COX7B2: variants seen among roughly 807,000 people sequenced by gnomAD.
The protein encoded by COX7B2 is cytochrome c oxidase subunit 7B2, mitochondrial.
For missense variants in COX7B2, 109 were observed against 95.9 expected, an observed-to-expected ratio of 1.14 and a Z score of -0.57; for synonymous variants, 37 against 32.1, an observed-to-expected ratio of 1.15 and a Z score of -0.51.
intron 2 of COX7B2, among the ~76,000 whole-genome samples, chr4:46,799,008 T>G (rs1718512261): frequency 6.6e-6 from 1 of 152,170 alleles, no homozygotes; most frequent in African/African-American, 2.4e-5. Flanking sequence ...TCCCCATTTA[T>G]TAACACAGAA....
At chr4:46,779,673 A>G (rs1297153375) in intron 2 of COX7B2, among the ~76,000 whole-genome samples, 3 of 151,978 alleles carry the variant, frequency 2.0e-5, no homozygotes, top group African/African-American at 7.2e-5. Context: ...TTTTCTCCAC[A>G]CCCTCACCAA....
intron 2 of COX7B2, among the ~76,000 whole-genome samples, chr4:46,750,813 A>G (rs1016178037): frequency 1.3e-5 from 2 of 152,150 alleles, no homozygotes; most frequent in African/African-American, 4.8e-5. Flanking sequence ...CATGTCCTCA[A>G]ATAGTGGAAA....
At chr4:46,797,666 G>A (rs1451976839) in intron 2 of COX7B2, among the ~76,000 whole-genome samples, 2 of 152,112 alleles carry the variant, frequency 1.3e-5, no homozygotes, top group Non-Finnish European at 2.9e-5. Flanking sequence ...AGGATACAGG[G>A]GCAATGATTC....
chr4:46,788,783 AAC>A (rs2109577808), intron 2 of COX7B2, among the ~76,000 whole-genome samples: 2 of 152,324 alleles, frequency 1.3e-5, no homozygotes, highest in South Asian at 4.1e-4. Context: ...GAAAAAAACA[AAC>A]AGAGAAGTGC....
intron 2 of COX7B2, among the ~76,000 whole-genome samples, chr4:46,844,430 A>AC (rs958017207): frequency 2.0e-5 from 3 of 151,974 alleles, no homozygotes; most frequent in Non-Finnish European, 4.4e-5. Context: ...CCGGCAAAAA[A>AC]GGCCCATCAC....
chr4:46,794,047 CTT>C (rs1577712072), intron 2 of COX7B2, among the ~76,000 whole-genome samples: 1 of 152,286 alleles, frequency 6.6e-6, no homozygotes, highest in South Asian at 2.1e-4. Context: ...CACAGCCTCT[CTT>C]TGTTTCTACA....
intron 1 of COX7B2, among the ~76,000 whole-genome samples, chr4:46,869,302 C>A (rs1717852945): frequency 6.6e-6 from 1 of 152,090 alleles, no homozygotes; most frequent in Non-Finnish European, 1.5e-5. Flanking sequence ...CAGCATACCA[C>A]TGAGTCTTTC....
intron 2 of COX7B2, among the ~76,000 whole-genome samples, chr4:46,800,531 T>A (rs889150632): frequency 2.6e-5 from 4 of 152,162 alleles, no homozygotes; most frequent in African/African-American, 9.7e-5. Flanking sequence ...TACATGGTGC[T>A]GGGATTACTG....
At position 46,735,003 on chromosome 4, in the gene COX7B2, C is replaced by A. The variant is rs1196742833; in HGVS notation, c.190G>T (p.Glu64Ter). 1 of 1,614,068 alleles carries A rather than the reference C, an allele frequency of 6.2e-7. No individual in the cohort carries two copies. The highest frequency in any genetic ancestry group is 1.1e-5 in the South Asian group (1 of 91,074). ...CTGCCAACAGGGGATAGGTTCCATT[C>A]TATTCCAATCTGAGTGGCTGTAAAC... ...WVFTATQIGI[E>*]WNLSPVGRVT... The change falls in exon 3 of 3, where the codon GAA (glutamate) becomes TAA (stop). Residue 64 changes from glutamate to a stop codon, truncating the protein, a stop_gained. Coordinates refer to ENST00000355591, the MANE Select transcript of COX7B2 (RefSeq NM_130902.3). LOFTEE classifies it high-confidence loss of function.
intron 1 of COX7B2, among the ~76,000 whole-genome samples, chr4:46,858,386 C>T (rs965299103): frequency 4.6e-5 from 7 of 152,148 alleles, no homozygotes; most frequent in Non-Finnish European, 2.9e-5. Flanking sequence ...TGAGCCACCA[C>T]GCTTGGCCAC....
chr4:46,736,518 CAAAT>C (rs1181776339), intron 2 of COX7B2, among the ~76,000 whole-genome samples: 1 of 151,736 alleles, frequency 6.6e-6, no homozygotes, highest in African/African-American at 2.4e-5. Flanking sequence ...TCAGATAAAA[CAAAT>C]AAAAGTTTCA....
intron 2 of COX7B2, among the ~76,000 whole-genome samples, chr4:46,773,390 G>A (rs955498682): frequency 3.9e-5 from 6 of 152,060 alleles, no homozygotes; most frequent in Admixed American, 1.3e-4. Context: ...GCTTTCTGCT[G>A]TCATGTGAAG....
At chr4:46,763,067 T>TATAATATA (rs1716301949) in intron 2 of COX7B2, among the ~76,000 whole-genome samples, 9 of 131,488 alleles carry the variant, frequency 6.8e-5, no homozygotes, top group African/African-American at 2.6e-4. Context: ...TAATATATAT[T>TATAATATA]ATATAATATA....
intron 2 of COX7B2, among the ~76,000 whole-genome samples, chr4:46,837,171 T>C (rs963550572): frequency 6.6e-6 from 1 of 151,796 alleles, no homozygotes; most frequent in African/African-American, 2.4e-5. Context: ...AAAAATGTAG[T>C]AGTTTAAGAA....
intron 2 of COX7B2, among the ~76,000 whole-genome samples, chr4:46,751,365 A>G (rs28605868): frequency 0.33 from 49,675 of 151,802 alleles, 8,379 homozygotes; most frequent in South Asian, 0.47. Flanking sequence ...TATTTGTTGA[A>G]TGTTTATATG....
At chr4:46,894,763 A>G (rs1644042717) in intron 1 of COX7B2, among the ~76,000 whole-genome samples, 1 of 152,218 alleles carries the variant, frequency 6.6e-6, no homozygotes, top group African/African-American at 2.4e-5. Flanking sequence ...AATACCCAGC[A>G]TCTATAAGGA....
At chr4:46,751,503 C>T (rs1715375480) in intron 2 of COX7B2, among the ~76,000 whole-genome samples, 1 of 152,058 alleles carries the variant, frequency 6.6e-6, no homozygotes, top group Admixed American at 6.6e-5. Flanking sequence ...ATGCTACTGT[C>T]AACTCAAGTA....
rs577406630 is a variant in COX7B2 at position 46,790,962 on chromosome 4, C to T, written c.-50+53998G>A. Among the ~76,000 whole-genome samples, 187 of 152,206 alleles carry T rather than the reference C, an allele frequency of 1.2e-3. 1 individual carries two copies. The highest frequency in any genetic ancestry group is 4.3e-3 in the African/African-American group (177 of 41,532). ...AAGTTTGTTTTAGCCTCAGCTAATG[C>T]CTGAAGTCCTAATATTATGTAACAG... On this transcript the variant is annotated intron_variant, in intron 2 of 2. Transcript: ENST00000355591.
chr4:46,887,982 G>T (rs1378007575), intron 1 of COX7B2, among the ~76,000 whole-genome samples: 1 of 152,074 alleles, frequency 6.6e-6, no homozygotes, highest in Non-Finnish European at 1.5e-5. Context: ...CCTACTGAAG[G>T]TATAGATACC....
Sources: allele counts gnomAD v4.1 joint callset (sites outside exome capture counted in the v4.1 genomes callset), GRCh38; gene constraint gnomAD v4.1.1; transcripts MANE v1.5; gene names NCBI Gene and HGNC (gene_info 2026-07-23, HGNC 2026-07-21).